The following DLC1 variants were observed in gnomAD, a reference collection of about 807,000 sequenced individuals.
DLC1 encodes the protein rho GTPase-activating protein 7.
In DLC1, 54 loss-of-function variants were observed where a neutral mutation model predicts 140.3. The observed-to-expected ratio is 0.38, with a 90% CI of 0.31 to 0.48. The LOEUF is 0.48. DLC1 is among the 20% of genes least tolerant of loss of function. The pLI is 0.96. For synonymous variants in DLC1, 986 were observed against 728.1 expected (o/e 1.35, Z -5.70); for missense variants, 2,536 against 1,907.0 (o/e 1.33, Z -6.14).
chr8:13,455,700 C>G (rs1027193132), intron 2 of DLC1, among the ~76,000 whole-genome samples: 2 of 152,130 alleles, frequency 1.3e-5, no homozygotes, highest in Admixed American at 6.6e-5. Flanking sequence ...GTTGTCATTT[C>G]AGTCAAGTTG....
intron 1 of DLC1, among the ~76,000 whole-genome samples, chr8:13,522,870 A>G (rs1191479256): frequency 2.6e-5 from 4 of 152,080 alleles, no homozygotes; most frequent in Admixed American, 2.6e-4. Flanking sequence ...AGATGACCAT[A>G]TAGATATCTT....
At chr8:13,326,705 C>T (rs182791815) in intron 4 of DLC1, among the ~76,000 whole-genome samples, 2 of 152,226 alleles carry the variant, frequency 1.3e-5, no homozygotes, top group Admixed American at 6.5e-5. Context: ...GCATTGGAAT[C>T]ATCTACCGGG....
intron 5 of DLC1, among the ~76,000 whole-genome samples, chr8:13,159,679 C>T (rs1409408137): frequency 6.6e-6 from 1 of 152,100 alleles, no homozygotes; most frequent in Non-Finnish European, 1.5e-5. Context: ...CCACACATGT[C>T]CACCGTCTCT....
chr8:13,155,345 C>T (rs767254658), intron 5 of DLC1, among the ~76,000 whole-genome samples: 20 of 144,730 alleles, frequency 1.4e-4, no homozygotes, highest in Non-Finnish European at 2.3e-4. Context: ...GACAAAACCA[C>T]CTCCACCAAA....
At chr8:13,549,062 A>G (rs1200567536) in intron 1 of DLC1, among the ~76,000 whole-genome samples, 1 of 152,012 alleles carries the variant, frequency 6.6e-6, no homozygotes, top group African/African-American at 2.4e-5. Flanking sequence ...CTGACCAACT[A>G]TATTAAAAGT....
intron 2 of DLC1, among the ~76,000 whole-genome samples, chr8:13,461,805 T>A (rs1351398353): frequency 6.6e-6 from 1 of 152,166 alleles, no homozygotes; most frequent in Non-Finnish European, 1.5e-5. Context: ...TCCTCTCTGA[T>A]GCCGATGCTC....
intron 10 of DLC1, chr8:13,095,746 G>C (rs917702572): frequency 6.3e-6 from 1 of 157,836 alleles, no homozygotes; most frequent in Non-Finnish European, 1.4e-5. Flanking sequence ...TGAAAAAAGG[G>C]TAAGAATCAC....
intron 5 of DLC1, among the ~76,000 whole-genome samples, chr8:13,189,556 T>A (rs1476486189): frequency 6.6e-6 from 1 of 151,692 alleles, no homozygotes; most frequent in Non-Finnish European, 1.5e-5. Flanking sequence ...TGTATTCAGA[T>A]CCAATTAGGC....
intron 5 of DLC1, among the ~76,000 whole-genome samples, chr8:13,184,539 C>T (rs1328818155): frequency 6.6e-6 from 1 of 152,160 alleles, no homozygotes; most frequent in Non-Finnish European, 1.5e-5. Flanking sequence ...TTTATTTCTG[C>T]CTTCATTTCA....
intron 2 of DLC1, 141 bp from the exon 3 acceptor site, chr8:13,401,760 A>T (rs1230510919): frequency 1.9e-6 from 2 of 1,046,698 alleles, no homozygotes; most frequent in South Asian, 1.8e-5. Context: ...ATTCTGTATC[A>T]TCAATGGGCT....
intron 17 of DLC1, 50 bp from the exon 18 acceptor site, chr8:13,085,981 A>G (rs1347606053): frequency 1.8e-5 from 29 of 1,599,838 alleles, no homozygotes; most frequent in Non-Finnish European, 2.5e-5. Context: ...GTTAGAAAGC[A>G]TGGAAATAAA....
chr8:13,169,320 G>C (rs573382426), intron 5 of DLC1, among the ~76,000 whole-genome samples: 2 of 152,206 alleles, frequency 1.3e-5, no homozygotes, highest in South Asian at 4.1e-4. Flanking sequence ...TTAAATCCTG[G>C]CTTTCTTGTT....
At chr8:13,158,749 C>T (rs773868873) in intron 5 of DLC1, among the ~76,000 whole-genome samples, 7 of 102,380 alleles carry the variant, frequency 6.8e-5, no homozygotes, top group African/African-American at 1.7e-4. Flanking sequence ...CCCCCCCCCG[C>T]CCGCCACACA....
At chr8:13,384,041 C>G (rs140882370) in intron 4 of DLC1, among the ~76,000 whole-genome samples, 14 of 152,252 alleles carry the variant, frequency 9.2e-5, no homozygotes, top group African/African-American at 2.9e-4. Context: ...GTGCATGTAT[C>G]AGGAATTCAG....
rs1459779322 is a variant in DLC1 at position 13,479,880 on chromosome 8, A to AAG, written c.1023+19168_1023+19169insCT. On this transcript the variant is annotated intron_variant, in intron 2 of 17. Coordinates refer to ENST00000276297, the MANE Select transcript of DLC1 (RefSeq NM_182643.3). ...AGAAGAGAAAAAGAAAGAAAGAAAG[A>AAG]AAGAAAGAAAAAGAAAGAAAGAAGA... Among the ~76,000 whole-genome samples the AAG allele has an allele frequency of 2.9e-3, 433 of 149,038 alleles. 9 individuals carry two copies. The highest frequency in any genetic ancestry group is 5.2e-3 in the Non-Finnish European group (346 of 66,666).
chr8:13,214,570 T>C, intron 5 of DLC1: 1 of 661,866 alleles, frequency 1.5e-6, no homozygotes, highest in Middle Eastern at 3.7e-4. Context: ...TTTTTTTTTT[T>C]TTTTGTGGCT....
intron 5 of DLC1, among the ~76,000 whole-genome samples, chr8:13,150,485 C>A (rs1484033260): frequency 6.6e-6 from 1 of 152,128 alleles, no homozygotes; most frequent in Middle Eastern, 3.4e-3. Flanking sequence ...TGGTGTGTAA[C>A]CCTTATCATG....
intron 1 of DLC1, among the ~76,000 whole-genome samples, chr8:13,556,839 C>T (rs1481595): frequency 0.091 from 13,782 of 152,234 alleles, 880 homozygotes; most frequent in East Asian, 0.24. Context: ...CTATCAAATG[C>T]ATTATTTAAT....
At chr8:13,297,083 A>G (rs993866685) in intron 5 of DLC1, among the ~76,000 whole-genome samples, 2 of 151,608 alleles carry the variant, frequency 1.3e-5, no homozygotes, top group African/African-American at 4.8e-5. Flanking sequence ...TTTGGCATTG[A>G]AGAATAGATT....
Sources: allele counts gnomAD v4.1 joint callset (sites outside exome capture counted in the v4.1 genomes callset), GRCh38; gene constraint gnomAD v4.1.1; transcripts MANE v1.5; gene names NCBI Gene and HGNC (gene_info 2026-07-23, HGNC 2026-07-21).